The following SCAF8 variants were observed in gnomAD, a reference collection of about 807,000 sequenced individuals.
SCAF8 encodes SR-related and CTD-associated factor 8.
Under a neutral mutation model 140.5 loss-of-function variants are expected in SCAF8, and 23 were observed. The ratio of observed to expected loss-of-function variants is 0.16; its 90% CI spans 0.12 to 0.23. The LOEUF is 0.23. Ranked by LOEUF, SCAF8 falls within the 10% of genes least tolerant of loss-of-function variation. The pLI is 1.00. For missense variants in SCAF8, 1,397 were observed against 1,555.7 expected, an observed-to-expected ratio of 0.90 and a Z score of 1.72; for synonymous variants, 575 against 528.9, an observed-to-expected ratio of 1.09 and a Z score of -1.20.
At chr6:154,782,618 A>G (rs1777118107) in intron 3 of SCAF8, among the ~76,000 whole-genome samples, 1 of 152,084 alleles carries the variant, frequency 6.6e-6, no homozygotes, top group Admixed American at 6.6e-5. Context: ...TATACAGGGG[A>G]GTTTATTAAA....
chr6:154,814,935 C>T (rs1778202787), intron 12 of SCAF8, among the ~76,000 whole-genome samples: 1 of 152,154 alleles, frequency 6.6e-6, no homozygotes, highest in Admixed American at 6.5e-5. Context: ...GGATAAGATG[C>T]TGTTTTTAGA....
chr6:154,781,590 A>T (rs1329313063), intron 3 of SCAF8, among the ~76,000 whole-genome samples: 1 of 152,232 alleles, frequency 6.6e-6, no homozygotes, highest in Non-Finnish European at 1.5e-5. Context: ...TTCAAACTAT[A>T]CTACAAGGCT....
At chr6:154,791,092 G>A (rs1777406542) in intron 4 of SCAF8, among the ~76,000 whole-genome samples, 1 of 152,178 alleles carries the variant, frequency 6.6e-6, no homozygotes, top group Non-Finnish European at 1.5e-5. Context: ...TGGAACTGCT[G>A]ATACTTCTTA....
At chr6:154,754,864 A>G (rs1184199879) in intron 1 of SCAF8, among the ~76,000 whole-genome samples, 4 of 152,188 alleles carry the variant, frequency 2.6e-5, no homozygotes, top group Non-Finnish European at 5.9e-5. Flanking sequence ...TCAGTCTCAT[A>G]TCTTCAAGGT....
chr6:154,794,780 G>GGGGTGTGTGT (rs1777544977), intron 5 of SCAF8, among the ~76,000 whole-genome samples: 5 of 12,524 alleles, frequency 4.0e-4, no homozygotes, highest in Non-Finnish European at 6.6e-4. Context: ...GGGTGTGGGG[G>GGGGTGTGTGT]GTGTGTGTGT....
intron 1 of SCAF8, among the ~76,000 whole-genome samples, chr6:154,739,284 C>A (rs981353388): frequency 6.6e-6 from 1 of 151,924 alleles, no homozygotes; most frequent in Non-Finnish European, 1.5e-5. Context: ...GGGCCACTGC[C>A]CCTGGCCAGA....
intron 1 of SCAF8, among the ~76,000 whole-genome samples, chr6:154,734,334 C>T (rs893067407): frequency 1.3e-5 from 2 of 152,172 alleles, no homozygotes; most frequent in Non-Finnish European, 2.9e-5. Context: ...CAGACCTTCC[C>T]GGGTCCTCAC....
intron 1 of SCAF8, among the ~76,000 whole-genome samples, chr6:154,764,014 T>C (rs115294384): frequency 1.1e-3 from 162 of 152,264 alleles, no homozygotes; most frequent in African/African-American, 3.7e-3. Context: ...AGATCTTGAT[T>C]AGAGATAAGT....
intron 3 of SCAF8, among the ~76,000 whole-genome samples, chr6:154,784,667 C>T (rs1034501944): frequency 5.9e-5 from 9 of 152,098 alleles, no homozygotes; most frequent in African/African-American, 2.2e-4. Context: ...TAATCTAGAG[C>T]TGATTTAAAG....
intron 1 of SCAF8, among the ~76,000 whole-genome samples, chr6:154,751,508 A>G (rs1020088991): frequency 6.6e-6 from 1 of 152,140 alleles, no homozygotes; most frequent in East Asian, 1.9e-4. Context: ...GATTACAAGC[A>G]TGAGCCATCG....
At chr6:154,795,262 A>G (rs1777567198) in intron 6 of SCAF8, 123 bp downstream of exon 6, 25 of 747,470 alleles carry the variant, frequency 3.3e-5, no homozygotes, top group Non-Finnish European at 5.0e-5. Context: ...TGGGACCATT[A>G]TGTATACTTT....
chr6:154,745,633 CTG>C (rs568093308), intron 1 of SCAF8, among the ~76,000 whole-genome samples: 167 of 152,194 alleles, frequency 1.1e-3, no homozygotes, highest in Middle Eastern at 6.8e-3. Context: ...TGTGTAGTTA[CTG>C]TCTTTCCTTT....
chr6:154,733,838 C>T lies in SCAF8; in HGVS notation c.-63C>T, dbSNP rs759919972. The T allele has an allele frequency of 3.3e-6, 5 of 1,526,244 alleles. No individual in the cohort carries two copies. In the South Asian group the frequency reaches 3.7e-5, roughly 11 times the overall value. 94.5% of individuals were successfully genotyped at this position (1,526,244 alleles called of 1,614,324 possible). A position where few individuals can be genotyped will look rare whatever the true frequency, so the allele number is the denominator to read the frequency against. The stretch of plus-strand genomic sequence containing the variant: ...ACGCAGCAGCCCGCGTCTCGCTCTC[C>T]CCACCCAGTGCAGTGGCCGCCGCCT... On this transcript the variant is annotated 5_prime_UTR_variant, in exon 1 of 20. Coordinates refer to ENST00000367178, the MANE Select transcript of SCAF8 (RefSeq NM_014892.5).
intron 12 of SCAF8, among the ~76,000 whole-genome samples, chr6:154,813,200 C>G (rs1365363013): frequency 6.6e-6 from 1 of 151,908 alleles, no homozygotes; most frequent in Non-Finnish European, 1.5e-5. Context: ...GAGCAAGACC[C>G]TATATCAAAA....
intron 3 of SCAF8, among the ~76,000 whole-genome samples, chr6:154,781,552 C>G (rs1777085337): frequency 2.0e-5 from 3 of 152,188 alleles, no homozygotes; most frequent in South Asian, 4.1e-4. Context: ...GCAAAAAGAA[C>G]AAAGCTGGAG....
Position 154,733,589 on chromosome 6 carries a change from G to T in SCAF8, c.-312G>T. ...CTAGAGGGAGGGGGACCGAAACGGAGCGGGGCAGAGAAGAGAAGGCGCCGC... is the reference window on the plus strand; with the variant it reads ...CTAGAGGGAGGGGGACCGAAACGGATCGGGGCAGAGAAGAGAAGGCGCCGC... On this transcript the variant is annotated 5_prime_UTR_variant, in exon 1 of 20. Transcript: ENST00000367178. 7.8e-7 allele frequency: 1 copy of T among 1,284,692 alleles called. No homozygotes were observed. The highest frequency in any genetic ancestry group is 9.8e-7 in the Non-Finnish European group (1 of 1,018,976). 79.6% of individuals were successfully genotyped at this position (1,284,692 alleles called of 1,614,324 possible).
chr6:154,766,286 C>T (rs1352133723), intron 1 of SCAF8, among the ~76,000 whole-genome samples: 2 of 152,074 alleles, frequency 1.3e-5, no homozygotes, highest in South Asian at 2.1e-4. Flanking sequence ...CAGACACACT[C>T]AGTGTAACTT....
chr6:154,827,158 T>C lies in SCAF8; in HGVS notation c.2072-14T>C, dbSNP rs918944346. ...TTTCTTGTGCTATTTTTTGGGGTTT[T>C]TTTTTCTGTCTAGGTTTCATGCCGC... On this transcript the variant is annotated splice_polypyrimidine_tract_variant and intron_variant, in intron 17 of 19. Transcript: ENST00000367178. The C allele has an allele frequency of 1.9e-6, 3 of 1,589,834 alleles. No homozygotes were observed. The Admixed American group carries it at 5.6e-5, about 30-fold the overall frequency.
At chr6:154,784,139 A>ATT (rs1777174386) in intron 3 of SCAF8, among the ~76,000 whole-genome samples, 1 of 86,572 alleles carries the variant, frequency 1.2e-5, no homozygotes, top group Admixed American at 1.1e-4. Flanking sequence ...ATATATATAT[A>ATT]TATATATATA....
Sources: gnomAD v4.1 joint callset for allele counts (sites outside exome capture counted in the v4.1 genomes callset) on GRCh38, gnomAD v4.1.1 for gene constraint, MANE v1.5 for transcripts, NCBI Gene and HGNC (gene_info 2026-07-23, HGNC 2026-07-21) for gene names.